Variants in GRIP2 observed in about 807,000 individuals in gnomAD.
GRIP2 encodes the protein glutamate receptor-interacting protein 2.
A neutral mutation model predicts 108.3 loss-of-function variants in GRIP2; 58 were observed. That is an observed-to-expected ratio of 0.54 (90% confidence interval 0.43 to 0.67). The LOEUF (loss-of-function observed/expected upper bound fraction) is 0.67. GRIP2 is among the 30% of genes least tolerant of loss of function. The pLI, the probability that GRIP2 is intolerant of heterozygous loss-of-function variation, is 0.00. For missense variants in GRIP2, 1,278 were observed against 1,430.6 expected, an observed-to-expected ratio of 0.89 and a Z score of 1.72; for synonymous variants, 586 against 598.2, an observed-to-expected ratio of 0.98 and a Z score of 0.30.
exon 1 of GRIP2, chr3:14,556,056 T>G (rs1695233517): frequency 7.5e-6 from 3 of 398,324 alleles, no homozygotes; most frequent in Admixed American, 8.8e-5. Context: ...TTGCGCTAAC[T>G]GGCACAGGCT....
At chr3:14,517,657 A>G in intron 10 of GRIP2, 115 bp downstream of exon 10, 1 of 1,369,146 alleles carries the variant, frequency 7.3e-7, no homozygotes, top group Middle Eastern at 2.5e-4. Flanking sequence ...GTGCACCACC[A>G]CACCCAGCTC....
Position 14,507,018 on chromosome 3 carries a change from ACACT to A in GRIP2, c.2219-42_2219-39del, listed in dbSNP as rs1693951700. ...AGGGGTGTCAATTCTGACTTCAGAG[ACACT>A]CACAGTGAGCCTCAGTTTCTGCATT... On this transcript the variant is annotated intron_variant, in intron 18 of 23. Coordinates refer to ENST00000621039, the MANE Select transcript of GRIP2 (RefSeq NM_001080423.4). The surrounding 1 kb of genome is among the most constrained non-coding windows in gnomAD (Gnocchi z 4.6). The A allele has an allele frequency of 6.5e-7, 1 of 1,539,468 alleles. No homozygotes were observed.
upstream of GRIP2, among the ~76,000 whole-genome samples, chr3:14,556,675 T>G (rs754140045): frequency 1.3e-4 from 20 of 152,222 alleles, no homozygotes; most frequent in Non-Finnish European, 2.1e-4. Flanking sequence ...CCAGAGAAGC[T>G]GCTCAAACTG....
the GRIP2 span, chr3:14,574,393 G>A: frequency 6.0e-5 from 49 of 820,172 alleles, 1 homozygote; most frequent in African/African-American, 6.7e-4. Context: ...ACCATCTCCT[G>A]TCGGAGCCGC....
intron 11 of GRIP2, among the ~76,000 whole-genome samples, chr3:14,515,921 A>G (rs1694235541): frequency 6.6e-6 from 1 of 152,130 alleles, no homozygotes. Context: ...GTGAGCCACC[A>G]TGCCTGGCCT....
chr3:14,584,166 G>A, the GRIP2 span, among the ~76,000 whole-genome samples: 1 of 152,330 alleles, frequency 6.6e-6, no homozygotes, highest in East Asian at 1.9e-4. Flanking sequence ...GAGGCCTAGG[G>A]ACTTCTGTGA....
chr3:14,511,523 C>T lies in GRIP2; in HGVS notation c.1721-44G>A. 1.9e-6 allele frequency: 3 copies of T among 1,602,192 alleles called. No individual in the cohort carries two copies. Among genetic ancestry groups the T allele is most frequent in the Non-Finnish European group, 2.6e-6 (3 of 1,172,366 alleles). ...TGAATCTGACCTTGGTGGCCTCAGC[C>T]TGGGGTGGGGTGGCGAAGCCCAGGG... On this transcript the variant is annotated intron_variant, in intron 14 of 23. Coordinates refer to ENST00000621039, the MANE Select transcript of GRIP2 (RefSeq NM_001080423.4). The surrounding 1 kb of genome is among the most constrained non-coding windows in gnomAD (Gnocchi z 4.1).
At chr3:14,527,162 CAG>C (rs1352632337) in intron 1 of GRIP2, among the ~76,000 whole-genome samples, 3 of 151,824 alleles carry the variant, frequency 2.0e-5, no homozygotes, top group Non-Finnish European at 2.9e-5. Flanking sequence ...ATTCCAGTGA[CAG>C]AGAGACTCTG....
the GRIP2 span, among the ~76,000 whole-genome samples, chr3:14,602,991 C>T: frequency 6.8e-6 from 1 of 147,284 alleles, no homozygotes; most frequent in African/African-American, 2.4e-5. This position sits in a 1 kb window ranked among gnomAD's most constrained non-coding sequence, Gnocchi z 4.7. Context: ...ATCCCCGCGG[C>T]CGCCCTGCGG....
chr3:14,540,573 C>T (rs1470358896), upstream of GRIP2, among the ~76,000 whole-genome samples: 2 of 152,158 alleles, frequency 1.3e-5, no homozygotes, highest in Non-Finnish European at 2.9e-5. The surrounding 1 kb of genome is among the most constrained non-coding windows in gnomAD (Gnocchi z 4.1). Flanking sequence ...ATGCCTGGGG[C>T]TTCCCCCAGG....
chr3:14,595,058 G>A, the GRIP2 span, among the ~76,000 whole-genome samples: 1,869 of 151,728 alleles, frequency 0.012, 25 homozygotes, highest in Middle Eastern at 0.037. Context: ...CACTACACCC[G>A]ACTAATTTTT....
chr3:14,543,342 C>T (rs533583218), upstream of GRIP2, among the ~76,000 whole-genome samples: 8 of 152,182 alleles, frequency 5.3e-5, no homozygotes, highest in Non-Finnish European at 8.8e-5. Context: ...GTTTGAGGAG[C>T]GCTGTATTAA....
chr3:14,520,022 TC>T, intron 9 of GRIP2, 87 bp downstream of exon 9: 1 of 1,311,668 alleles, frequency 7.6e-7, no homozygotes, highest in South Asian at 1.5e-5. Flanking sequence ...AGCCTGCTCC[TC>T]CCAGCCTGCC....
At chr3:14,582,240 A>G in the GRIP2 span, among the ~76,000 whole-genome samples, 1 of 152,098 alleles carries the variant, frequency 6.6e-6, no homozygotes, top group Non-Finnish European at 1.5e-5. Flanking sequence ...TTTAATTTCC[A>G]TTTTCCTCAA....
At chr3:14,571,964 A>C in the GRIP2 span, among the ~76,000 whole-genome samples, 2 of 152,204 alleles carry the variant, frequency 1.3e-5, no homozygotes, top group African/African-American at 4.8e-5. Flanking sequence ...TGGTGATGTA[A>C]AGTGGTACAG....
At chr3:14,514,518 C>A in intron 11 of GRIP2, 40 bp from the exon 12 acceptor site, 1 of 1,492,292 alleles carries the variant, frequency 6.7e-7, no homozygotes, top group Non-Finnish European at 9.0e-7. Flanking sequence ...TGAGCCGCCC[C>A]ACGGAGGTCT....
At chr3:14,554,725 A>G (rs1216080260) in intron 1 of GRIP2, among the ~76,000 whole-genome samples, 1 of 149,118 alleles carries the variant, frequency 6.7e-6, no homozygotes, top group African/African-American at 2.4e-5. Context: ...ATGCTCAGTT[A>G]CAAGCTCACT....
chr3:14,579,398 A>G, the GRIP2 span, among the ~76,000 whole-genome samples: 1 of 152,216 alleles, frequency 6.6e-6, no homozygotes, highest in Non-Finnish European at 1.5e-5. Context: ...CTGTATATAC[A>G]TTAGACTTCA....
intron 1 of GRIP2, among the ~76,000 whole-genome samples, chr3:14,526,763 T>C (rs1694565277): frequency 6.6e-6 from 1 of 152,236 alleles, no homozygotes. Context: ...ATGAAATCTG[T>C]CTTTTTTGCT....
Sources: gnomAD v4.1 joint callset for allele counts (sites outside exome capture counted in the v4.1 genomes callset) on GRCh38, gnomAD v4.1.1 for gene constraint, Gnocchi (gnomAD v3.1) non-coding constraint, MANE v1.5 for transcripts, NCBI Gene and HGNC (gene_info 2026-07-23, HGNC 2026-07-21) for gene names.